The following EPHA3 variants were observed in gnomAD, a reference collection of about 807,000 sequenced individuals.
EPHA3 encodes ephrin type-A receptor 3.
In EPHA3, 42 loss-of-function variants were observed where a neutral mutation model predicts 107.1. The observed-to-expected ratio is 0.39, with a 90% confidence interval of 0.31 to 0.51. The LOEUF (loss-of-function observed/expected upper bound fraction) is 0.51. EPHA3 is among the 20% of genes least tolerant of loss of function. EPHA3 has a pLI of 0.78. For synonymous variants in EPHA3, 461 were observed against 424.8 expected (o/e 1.09, Z -1.05); for missense variants, 1,183 against 1,211.2 (o/e 0.98, Z 0.35).
At chr3:89,445,405 T>TA (rs1709860102) in intron 13 of EPHA3, among the ~76,000 whole-genome samples, 1 of 152,118 alleles carries the variant, frequency 6.6e-6, no homozygotes, top group Admixed American at 6.5e-5. Context: ...TCATTAAAAA[T>TA]AAAAATAAAT....
At chr3:89,370,767 CT>C (rs1286560176) in intron 5 of EPHA3, among the ~76,000 whole-genome samples, 3 of 151,644 alleles carry the variant, frequency 2.0e-5, no homozygotes, top group Non-Finnish European at 4.4e-5. Context: ...AAGGAAGTCT[CT>C]TTCTCTCAAC....
rs572094349 is a variant in EPHA3, at chr3:89,304,709, TACAA to T, written c.815-36202_815-36199del. Among the ~76,000 whole-genome samples the T allele has an allele frequency of 1.9e-4, 29 of 152,294 alleles. 1 individual carries two copies. The South Asian group carries it at 3.7e-3, about 20-fold the overall frequency. ...ATTTTTCATGTTAATTATTATATCA[TACAA>T]ACAATGTAATATGCATATTTATTAT... On this transcript the variant is annotated intron_variant, in intron 3 of 16. Coordinates refer to ENST00000336596, the MANE Select transcript of EPHA3 (RefSeq NM_005233.6).
chr3:89,341,088 C>G lies in EPHA3; in HGVS notation c.970+17C>G. 7.5e-6 allele frequency: 12 copies of G among 1,607,452 alleles called. No individual in the cohort carries two copies. Among genetic ancestry groups the G allele is most frequent in the Non-Finnish European group, 1.0e-5 (12 of 1,177,570 alleles). On this transcript the variant is annotated intron_variant, in intron 4 of 16. Transcript: ENST00000336596. ...CTTGTACCCGTGAGTAGTTTTGCTGCAACCCATGCCTCCATGTTTGTTTTG... is the reference window on the plus strand; with the variant it reads ...CTTGTACCCGTGAGTAGTTTTGCTGGAACCCATGCCTCCATGTTTGTTTTG...
At position 89,354,248 on chromosome 3, in the gene EPHA3, G is replaced by T. The variant is rs192149055; in HGVS notation, c.1306+12158G>T. Reference sequence around the variant, plus strand: ...ATAGTCCTTAGGATATAATAGCATCGTATGTGAGTAATTGAGAAATTTAAT... The same window carrying T: ...ATAGTCCTTAGGATATAATAGCATCTTATGTGAGTAATTGAGAAATTTAAT... On this transcript the variant is annotated intron_variant, in intron 5 of 16. Coordinates refer to ENST00000336596, the MANE Select transcript of EPHA3 (RefSeq NM_005233.6). Among the ~76,000 whole-genome samples the T allele has an allele frequency of 2.6e-5, 4 of 151,166 alleles. 1 individual carries two copies. Among genetic ancestry groups the T allele is most frequent in the Non-Finnish European group, 4.4e-5 (3 of 67,552 alleles).
chr3:89,233,089 C>A (rs554710331), intron 3 of EPHA3, among the ~76,000 whole-genome samples: 2 of 151,942 alleles, frequency 1.3e-5, no homozygotes, highest in East Asian at 3.9e-4. Context: ...ACTTACGTTA[C>A]AAGGTACAGA....
At chr3:89,167,338 T>C (rs1314614429) in intron 2 of EPHA3, among the ~76,000 whole-genome samples, 1 of 152,072 alleles carries the variant, frequency 6.6e-6, no homozygotes, top group Non-Finnish European at 1.5e-5. Flanking sequence ...ATTTAAAATA[T>C]CACATTTATA....
intron 5 of EPHA3, among the ~76,000 whole-genome samples, chr3:89,367,655 A>G (rs1708209789): frequency 6.6e-6 from 1 of 150,706 alleles, no homozygotes; most frequent in Non-Finnish European, 1.5e-5. Context: ...TCCAATCATA[A>G]TTTCCTTTAC....
chr3:89,411,989 A>G (rs1459143001), intron 9 of EPHA3, among the ~76,000 whole-genome samples: 3 of 151,932 alleles, frequency 2.0e-5, no homozygotes, highest in Admixed American at 6.6e-5. Context: ...GCTAAAACAC[A>G]CTATTAAGTA....
At chr3:89,242,860 C>A (rs111513299) in intron 3 of EPHA3, among the ~76,000 whole-genome samples, 1 of 151,664 alleles carries the variant, frequency 6.6e-6, no homozygotes, top group Admixed American at 6.6e-5. Flanking sequence ...CCCATTAACT[C>A]GTCATTTAAC....
At chr3:89,230,822 T>TCACACACA (rs1247637593) in intron 3 of EPHA3, among the ~76,000 whole-genome samples, 292 of 144,110 alleles carry the variant, frequency 2.0e-3, no homozygotes, top group African/African-American at 8.0e-3. Flanking sequence ...TCTCTCTCTC[T>TCACACACA]CTCACACACA....
intron 3 of EPHA3, among the ~76,000 whole-genome samples, chr3:89,217,220 T>C (rs1485036458): frequency 1.3e-5 from 2 of 152,108 alleles, no homozygotes; most frequent in Non-Finnish European, 2.9e-5. Flanking sequence ...TTGATAATAT[T>C]TGATGAAAGT....
chr3:89,440,347 A>T lies in EPHA3; in HGVS notation c.2347-8878A>T, dbSNP rs538932933. Among the ~76,000 whole-genome samples the T allele has an allele frequency of 1.1e-3, 175 of 152,300 alleles. 1 individual carries two copies. The highest frequency in any genetic ancestry group is 1.7e-3 in the Non-Finnish European group (113 of 68,020). ...AAAGTCCTTTGTCACTCTAAATATG[A>T]CCTGACAAAGCTCAAAAACAGGAAA... On this transcript the variant is annotated intron_variant, in intron 13 of 16. Coordinates refer to ENST00000336596, the MANE Select transcript of EPHA3 (RefSeq NM_005233.6).
intron 2 of EPHA3, among the ~76,000 whole-genome samples, chr3:89,149,978 C>G (rs1467559083): frequency 6.6e-6 from 1 of 151,832 alleles, no homozygotes; most frequent in Non-Finnish European, 1.5e-5. Flanking sequence ...TTTCTGTGTA[C>G]AAGTACCAGC....
intron 12 of EPHA3, among the ~76,000 whole-genome samples, chr3:89,430,813 C>A (rs1709550840): frequency 6.6e-6 from 1 of 152,094 alleles, no homozygotes; most frequent in African/African-American, 2.4e-5. Context: ...CCTAAACTAG[C>A]CACAAGATTC....
chr3:89,416,408 G>T (rs1341378909), intron 10 of EPHA3, among the ~76,000 whole-genome samples: 1 of 151,290 alleles, frequency 6.6e-6, no homozygotes, highest in Non-Finnish European at 1.5e-5. Flanking sequence ...ATTGCAAATT[G>T]CATTTGCCCA....
intron 2 of EPHA3, among the ~76,000 whole-genome samples, chr3:89,192,245 T>C (rs1705735721): frequency 6.6e-6 from 1 of 152,118 alleles, no homozygotes; most frequent in Non-Finnish European, 1.5e-5. Context: ...AATATTTTGT[T>C]CTAGAAACCA....
intron 2 of EPHA3, among the ~76,000 whole-genome samples, chr3:89,176,520 A>T (rs1405412351): frequency 8.8e-4 from 133 of 150,836 alleles, no homozygotes; most frequent in East Asian, 4.9e-3. Context: ...AAAAAAAAAA[A>T]ATATATGTTT....
chr3:89,324,900 A>C (rs781327697), intron 3 of EPHA3, among the ~76,000 whole-genome samples: 8 of 152,006 alleles, frequency 5.3e-5, no homozygotes, highest in South Asian at 4.2e-4. Flanking sequence ...AGCCATCTTT[A>C]TATTTGCGAG....
At chr3:89,222,807 A>G (rs1162049023) in intron 3 of EPHA3, among the ~76,000 whole-genome samples, 3 of 152,146 alleles carry the variant, frequency 2.0e-5, no homozygotes, top group Non-Finnish European at 4.4e-5. Flanking sequence ...TAACTTCCAA[A>G]ACTTGAAGTG....
Sources: gnomAD v4.1 joint callset for allele counts (sites outside exome capture counted in the v4.1 genomes callset) on GRCh38, gnomAD v4.1.1 for gene constraint, MANE v1.5 for transcripts, NCBI Gene and HGNC (gene_info 2026-07-23, HGNC 2026-07-21) for gene names.